The following SLCO1B3 variants were observed in gnomAD, a reference collection of about 807,000 sequenced individuals.
SLCO1B3 encodes liver-specific organic anion transporter 2.
A neutral mutation model predicts 71.8 loss-of-function variants in SLCO1B3; 72 were observed. The ratio of observed to expected loss-of-function variants is 1.00; its 90% CI spans 0.83 to 1.22. The LOEUF is 1.22. Ranked by LOEUF, SLCO1B3 falls within the 50% of genes most tolerant of loss-of-function variation. The probability of loss-of-function intolerance (pLI) is 0.00; values close to 1 mark genes in which losing one functional copy is unlikely to be tolerated. For missense variants in SLCO1B3, 911 were observed against 819.7 expected (o/e 1.11, Z -1.36); for synonymous variants, 298 against 278.4 (o/e 1.07, Z -0.70).
intron 4 of SLCO1B3, among the ~76,000 whole-genome samples, chr12:20,857,740 A>G (rs1295052148): frequency 2.0e-5 from 3 of 152,160 alleles, no homozygotes; most frequent in South Asian, 2.1e-4. Context: ...TTCTTTCGTG[A>G]AACTATTTTC....
chr12:20,903,053 G>A (rs77273696), intron 15 of SLCO1B3, among the ~76,000 whole-genome samples: 5,372 of 135,180 alleles, frequency 0.04, 172 homozygotes, highest in East Asian at 0.16. Flanking sequence ...CAGCCTGGGC[G>A]ACAGAGCAGG....
chr12:20,827,781 G>T (rs1286588652), intron 3 of SLCO1B3, among the ~76,000 whole-genome samples: 17 of 152,094 alleles, frequency 1.1e-4, no homozygotes, highest in Admixed American at 1.1e-3. Flanking sequence ...TATTGGCCAG[G>T]CTGCTCTCGA....
chr12:20,876,150 A>C (rs553680355), intron 9 of SLCO1B3, among the ~76,000 whole-genome samples: 1 of 151,826 alleles, frequency 6.6e-6, no homozygotes, highest in South Asian at 2.1e-4. Context: ...GTGAAAAGCA[A>C]CATCAGTAAT....
chr12:20,912,532 CT>C (rs986246227), intron 15 of SLCO1B3, among the ~76,000 whole-genome samples: 3 of 107,076 alleles, frequency 2.8e-5, no homozygotes, highest in Non-Finnish European at 3.9e-5. Context: ...CTTTTCTTTT[CT>C]TTTTTTTCAG....
chr12:20,830,495 A>G (rs1421527658), intron 3 of SLCO1B3, among the ~76,000 whole-genome samples: 1 of 152,198 alleles, frequency 6.6e-6, no homozygotes, highest in Non-Finnish European at 1.5e-5. Context: ...TGCATCTTGC[A>G]CTTAGTAAAC....
At chr12:20,895,458 T>G (rs1003067698) in intron 13 of SLCO1B3, among the ~76,000 whole-genome samples, 1 of 152,180 alleles carries the variant, frequency 6.6e-6, no homozygotes, top group African/African-American at 2.4e-5. Flanking sequence ...ACAGGCCTTA[T>G]GCAAGTTTGA....
intron 11 of SLCO1B3, among the ~76,000 whole-genome samples, chr12:20,880,508 T>C (rs948182948): frequency 6.6e-6 from 1 of 152,110 alleles, no homozygotes; most frequent in Non-Finnish European, 1.5e-5. Context: ...AAGTTACTTA[T>C]ATAATGTAAA....
chr12:20,900,039 A>T (rs1308224839), intron 14 of SLCO1B3, among the ~76,000 whole-genome samples: 1 of 152,246 alleles, frequency 6.6e-6, no homozygotes, highest in Non-Finnish European at 1.5e-5. Context: ...TAATAAGACA[A>T]AGTTTGTTAC....
chr12:20,880,735 T>C (rs963184556), intron 11 of SLCO1B3, 120 bp from the exon 12 acceptor site: 3 of 599,548 alleles, frequency 5.0e-6, no homozygotes, highest in Admixed American at 7.7e-5. Context: ...TTCTCTTCTC[T>C]TTTCCTCTTC....
chr12:20,819,279 G>T (rs34043444), intron 3 of SLCO1B3, among the ~76,000 whole-genome samples: 1 of 152,022 alleles, frequency 6.6e-6, no homozygotes, highest in African/African-American at 2.4e-5. Context: ...ACGATCATCA[G>T]GGAGAGCATG....
intron 3 of SLCO1B3, among the ~76,000 whole-genome samples, chr12:20,844,783 A>C (rs577704493): frequency 6.6e-6 from 1 of 152,050 alleles, no homozygotes; most frequent in East Asian, 1.9e-4. Context: ...TAATCCCAGC[A>C]CTTTGGGAGG....
At chr12:20,874,491 T>G (rs1364673068) in intron 8 of SLCO1B3, among the ~76,000 whole-genome samples, 1 of 152,222 alleles carries the variant, frequency 6.6e-6, no homozygotes, top group Non-Finnish European at 1.5e-5. Flanking sequence ...CTTCTTATTC[T>G]GGTATCTTGC....
In SLCO1B3 at chr12:20,901,391, A is replaced by G. The variant is rs748804554; in HGVS notation, c.1789A>G (p.Lys597Glu). 1 of 1,592,598 alleles carries G rather than the reference A, an allele frequency of 6.3e-7. No individual in the cohort carries two copies. Among genetic ancestry groups the G allele is most frequent in the Admixed American group, 1.8e-5 (1 of 56,002 alleles). The change falls in exon 15 of 16, where the codon AAA (lysine) becomes GAA (glutamate). Residue 597 changes from lysine (K) to glutamate (E), a missense_variant. Physicochemically the swap from Lys to Glu is moderately conservative, Grantham distance 56. Coordinates refer to ENST00000381545, the MANE Select transcript of SLCO1B3 (RefSeq NM_019844.4). ...AATATATTTTGGGGCTCTGATTGAT[A>G]AAACATGTATGAAGTGGTCCACCAA... ...APIYFGALID[K>E]TCMKWSTNSC...
intron 6 of SLCO1B3, among the ~76,000 whole-genome samples, chr12:20,861,384 G>A (rs950514444): frequency 1.3e-5 from 2 of 152,100 alleles, no homozygotes; most frequent in Admixed American, 6.6e-5. Flanking sequence ...ACCCACCACC[G>A]ATGTGGAGGT....
intron 8 of SLCO1B3, among the ~76,000 whole-genome samples, chr12:20,874,663 G>A (rs1865542962): frequency 6.6e-6 from 1 of 152,122 alleles, no homozygotes; most frequent in Non-Finnish European, 1.5e-5. Context: ...AACATTTAGA[G>A]TCCAATATTT....
At chr12:20,865,166 A>G (rs918247510) in intron 8 of SLCO1B3, among the ~76,000 whole-genome samples, 2 of 152,164 alleles carry the variant, frequency 1.3e-5, no homozygotes, top group Non-Finnish European at 1.5e-5. Flanking sequence ...TGAAAGAACC[A>G]AAAACAGTCA....
chr12:20,847,350 T>A (rs1864939179), intron 3 of SLCO1B3, among the ~76,000 whole-genome samples: 3 of 152,144 alleles, frequency 2.0e-5, no homozygotes, highest in Admixed American at 2.0e-4. Context: ...GGCAGGTAAA[T>A]AGATCATGAG....
At chr12:20,914,140 C>T (rs558897105) in intron 15 of SLCO1B3, among the ~76,000 whole-genome samples, 47 of 152,180 alleles carry the variant, frequency 3.1e-4, no homozygotes, top group Middle Eastern at 3.4e-3. Flanking sequence ...AGAATACTGA[C>T]GATATTTGTT....
chr12:20,849,744 C>CAT (rs56020380), intron 3 of SLCO1B3, among the ~76,000 whole-genome samples: 72,047 of 148,006 alleles, frequency 0.49, 19,433 homozygotes, highest in South Asian at 0.67. Context: ...CACACACACA[C>CAT]ATATTACTTG....
Sources: allele counts gnomAD v4.1 joint callset (sites outside exome capture counted in the v4.1 genomes callset), GRCh38; gene constraint gnomAD v4.1.1; transcripts MANE v1.5; gene names NCBI Gene and HGNC (gene_info 2026-07-23, HGNC 2026-07-21).